Variants in TSC22D1 observed in about 807,000 individuals in gnomAD.
TSC22D1 encodes TSC22 domain family member 1.
TSC22D1 carries 9 observed loss-of-function variants against 74.2 expected under a neutral mutation model. The ratio of observed to expected loss-of-function variants is 0.12; its 90% CI spans 0.07 to 0.21. The LOEUF is 0.21. Among genes scored for constraint, TSC22D1 ranks in the 10% least tolerant of loss-of-function variants. TSC22D1 has a pLI of 1.00. For synonymous variants in TSC22D1, 586 were observed against 492.5 expected (o/e 1.19, Z -2.51); for missense variants, 1,427 against 1,304.7 (o/e 1.09, Z -1.44).
intron 1 of TSC22D1, among the ~76,000 whole-genome samples, chr13:44,511,338 A>C (rs1879705913): frequency 6.6e-6 from 1 of 152,066 alleles, no homozygotes; most frequent in South Asian, 2.1e-4. Context: ...TTTGCCTGTA[A>C]TTCTTCTGCT....
chr13:44,541,610 G>GT (rs1199696407), intron 1 of TSC22D1, among the ~76,000 whole-genome samples: 3 of 152,114 alleles, frequency 2.0e-5, no homozygotes, highest in Admixed American at 2.0e-4. Flanking sequence ...TTAAAAGACT[G>GT]TATCTTTAGA....
At chr13:44,548,934 CATT>C (rs1882011539) in intron 1 of TSC22D1, among the ~76,000 whole-genome samples, 1 of 151,976 alleles carries the variant, frequency 6.6e-6, no homozygotes, top group Non-Finnish European at 1.5e-5. Flanking sequence ...ATAATGTAAA[CATT>C]ATAGCAACAG....
chr13:44,513,230 A>G (rs1879822786), intron 1 of TSC22D1, among the ~76,000 whole-genome samples: 1 of 152,214 alleles, frequency 6.6e-6, no homozygotes, highest in African/African-American at 2.4e-5. Context: ...GAGCTTCTGC[A>G]TGAGAGAAGG....
At chr13:44,555,534 A>C (rs1350738932) in intron 1 of TSC22D1, among the ~76,000 whole-genome samples, 2 of 152,176 alleles carry the variant, frequency 1.3e-5, no homozygotes, top group African/African-American at 4.8e-5. Context: ...TGAACCCACG[A>C]GGTGGAGGTT....
chr13:44,483,533 C>T (rs944705180), intron 1 of TSC22D1, among the ~76,000 whole-genome samples: 5 of 152,020 alleles, frequency 3.3e-5, no homozygotes, highest in Admixed American at 3.3e-4. Flanking sequence ...ATTAGCCGGG[C>T]GTGGTAGCAG....
intron 1 of TSC22D1, among the ~76,000 whole-genome samples, chr13:44,481,783 T>C (rs1306941114): frequency 6.6e-6 from 1 of 152,162 alleles, no homozygotes; most frequent in Non-Finnish European, 1.5e-5. Context: ...GAATGTGCAA[T>C]GGGCCATACT....
rs1883914067 is a variant in TSC22D1 at position 44,573,391 on chromosome 13, G to C, written c.2684C>G (p.Thr895Ser). ...PLAQQIPLSS[T>S]QFSAQSLAQA... The stretch of plus-strand genomic sequence containing the variant: ...AGCTAATGATTGTGCGGAGAACTGG[G>C]TAGAACTTAGTGGTATCTGTTGTGC... The change falls in exon 1 of 3, where the codon ACC becomes AGC. Residue 895 changes from threonine to serine, a missense_variant. This residue lies in a region of TSC22D1 where 1,343 missense variants were observed against 1,191.5 expected (regional missense o/e 1.13). Transcript: ENST00000458659. The C allele has an allele frequency of 1.9e-6, 3 of 1,614,152 alleles. No homozygotes were observed. The highest frequency in any genetic ancestry group is 2.5e-6 in the Non-Finnish European group (3 of 1,180,062).
At chr13:44,551,310 GGTGT>G (rs370742852) in intron 1 of TSC22D1, among the ~76,000 whole-genome samples, 1,612 of 132,828 alleles carry the variant, frequency 0.012, 21 homozygotes, top group African/African-American at 0.033. Context: ...ATCAGCTGGG[GGTGT>G]GTGTGTGTGT....
chr13:44,443,157 G>A (rs1293017325), intron 1 of TSC22D1, among the ~76,000 whole-genome samples: 2 of 151,970 alleles, frequency 1.3e-5, no homozygotes, highest in African/African-American at 4.8e-5. Context: ...AGTCGACAAG[G>A]TGTATCATAA....
chr13:44,541,316 A>T (rs1233378355), intron 1 of TSC22D1, among the ~76,000 whole-genome samples: 1 of 152,238 alleles, frequency 6.6e-6, no homozygotes, highest in East Asian at 1.9e-4. Flanking sequence ...AAAAGCTTAA[A>T]GATGAAAAGA....
chr13:44,546,827 C>T (rs1019847298), intron 1 of TSC22D1, among the ~76,000 whole-genome samples: 5 of 151,416 alleles, frequency 3.3e-5, no homozygotes, highest in African/African-American at 9.7e-5. Flanking sequence ...GGCTAGGATG[C>T]GCTGAAACAA....
At chr13:44,446,068 T>A (rs549259084) in intron 1 of TSC22D1, among the ~76,000 whole-genome samples, 24 of 152,150 alleles carry the variant, frequency 1.6e-4, no homozygotes, top group Non-Finnish European at 2.8e-4. Context: ...CCACAAAAAT[T>A]TGGACATGAA....
intron 1 of TSC22D1, among the ~76,000 whole-genome samples, chr13:44,480,626 T>C (rs1307035738): frequency 6.6e-6 from 1 of 152,038 alleles, no homozygotes; most frequent in Non-Finnish European, 1.5e-5. Flanking sequence ...GAGGGGTGGA[T>C]TATGTGAAAA....
intron 1 of TSC22D1, among the ~76,000 whole-genome samples, chr13:44,567,244 T>C (rs1228668082): frequency 6.6e-6 from 1 of 152,192 alleles, no homozygotes; most frequent in Non-Finnish European, 1.5e-5. Context: ...AAGAGCCTTC[T>C]TATAGGGATC....
chr13:44,535,962 AT>A (rs918046051), intron 1 of TSC22D1, among the ~76,000 whole-genome samples: 6 of 151,750 alleles, frequency 4.0e-5, no homozygotes, highest in Non-Finnish European at 8.9e-5. Context: ...AAGCTTATAG[AT>A]TTTTTTTATA....
chr13:44,510,649 G>A (rs1164738622), intron 1 of TSC22D1, among the ~76,000 whole-genome samples: 2 of 152,172 alleles, frequency 1.3e-5, no homozygotes, highest in South Asian at 2.1e-4. Context: ...CTGGAGTGAA[G>A]TGGCATGATC....
Position 44,434,492 on chromosome 13 carries a change from T to C in TSC22D1, c.*134A>G, listed in dbSNP as rs1017580034. The C allele has an allele frequency of 2.1e-5, 30 of 1,403,132 alleles. No individual in the cohort carries two copies. Among genetic ancestry groups the C allele is most frequent in the African/African-American group, 1.0e-4 (7 of 68,532 alleles). The allele number at this position is 1,403,132 out of a possible 1,614,324, so 86.9% of individuals were successfully genotyped here. On this transcript the variant is annotated 3_prime_UTR_variant, in exon 3 of 3. Transcript: ENST00000458659. ...GTGTTTAATACTGGAAAAGAGATAA[T>C]GGCATATGTCAGTCTCACGTCTCTT...
Position 44,433,831 on chromosome 13 carries a change from T to C in TSC22D1, c.*795A>G. The C allele has an allele frequency of 1.5e-6, 1 of 672,400 alleles. No homozygotes were observed. Among genetic ancestry groups the C allele is most frequent in the Admixed American group, 4.1e-5 (1 of 24,188 alleles). The allele number at this position is 672,400 out of a possible 1,614,324, so 41.7% of individuals were successfully genotyped here. On this transcript the variant is annotated 3_prime_UTR_variant, in exon 3 of 3. Transcript: ENST00000458659. ...CTTAAAATTTCTTTAGGTGTGGTTT[T>C]TGTCATGTAGCAGTTTTTATGTAGA...
chr13:44,496,061 T>C (rs111602661), intron 1 of TSC22D1, among the ~76,000 whole-genome samples: 88 of 152,324 alleles, frequency 5.8e-4, no homozygotes, highest in Non-Finnish European at 5.4e-4. Context: ...ATTTGTGAAT[T>C]GTATAAGAGA....
Sources: gnomAD v4.1 joint callset for allele counts (sites outside exome capture counted in the v4.1 genomes callset) on GRCh38, gnomAD v4.1.1 for gene constraint, gnomAD v4.1.1 regional missense constraint, MANE v1.5 for transcripts, NCBI Gene and HGNC (gene_info 2026-07-23, HGNC 2026-07-21) for gene names.